The following ANKRD30BL variants were observed in gnomAD, a reference collection of about 807,000 sequenced individuals.
The protein encoded by ANKRD30BL is ankyrin repeat domain 30B like, also known as putative ankyrin repeat domain-containing protein 30B-like.
A neutral mutation model predicts 18.4 loss-of-function variants in ANKRD30BL; 20 were observed. The observed-to-expected ratio is 1.09, with a 90% CI of 0.77 to 1.58. The LOEUF is 1.58. Ranked by LOEUF, ANKRD30BL falls within the 40% of genes most tolerant of loss-of-function variation. The pLI, the probability that ANKRD30BL is intolerant of heterozygous loss-of-function variation, is 0.00. For synonymous variants in ANKRD30BL, 72 were observed against 100.9 expected, an observed-to-expected ratio of 0.71 and a Z score of 1.72; for missense variants, 224 against 268.6, an observed-to-expected ratio of 0.83 and a Z score of 1.16.
intron 1 of ANKRD30BL, among the ~76,000 whole-genome samples, chr2:132,250,253 C>T (rs1454933126): frequency 5.3e-5 from 8 of 151,930 alleles, no homozygotes; most frequent in African/African-American, 9.7e-5. Flanking sequence ...GGGAATGAAA[C>T]GTTTAACTCT....
At chr2:132,208,973 A>G (rs1184683128) in intron 1 of ANKRD30BL, among the ~76,000 whole-genome samples, 1 of 151,998 alleles carries the variant, frequency 6.6e-6, no homozygotes, top group African/African-American at 2.4e-5. Flanking sequence ...GGATATTTGG[A>G]GCGCTTTACA....
chr2:132,246,365 G>A (rs1405052375), intron 1 of ANKRD30BL, among the ~76,000 whole-genome samples: 1 of 151,992 alleles, frequency 6.6e-6, no homozygotes, highest in Non-Finnish European at 1.5e-5. Context: ...AACTCACAGA[G>A]TTGAACTTTT....
intron 1 of ANKRD30BL, among the ~76,000 whole-genome samples, chr2:132,183,919 G>A (rs2104949890): frequency 6.6e-6 from 1 of 152,184 alleles, no homozygotes; most frequent in Non-Finnish European, 1.5e-5. Context: ...CTCCTCATTA[G>A]AGGGAACTGA....
At chr2:132,245,715 C>G (rs368849588) in intron 1 of ANKRD30BL, among the ~76,000 whole-genome samples, 1 of 12,088 alleles carries the variant, frequency 8.3e-5, no homozygotes, top group Admixed American at 5.2e-4. Flanking sequence ...AGTTTTGAAA[C>G]ACTCTTTTTT....
intron 1 of ANKRD30BL, among the ~76,000 whole-genome samples, chr2:132,239,929 T>G (rs1260764607): frequency 6.6e-6 from 1 of 151,516 alleles, no homozygotes; most frequent in African/African-American, 2.4e-5. Flanking sequence ...TTGTAGAATC[T>G]GCAAGTGGAC....
chr2:132,181,687 A>G (rs1158507943), intron 1 of ANKRD30BL, among the ~76,000 whole-genome samples: 1 of 152,218 alleles, frequency 6.6e-6, no homozygotes, highest in Non-Finnish European at 1.5e-5. Context: ...ATGGTGTGTA[A>G]ATGAATATGT....
intron 1 of ANKRD30BL, among the ~76,000 whole-genome samples, chr2:132,222,040 AGGCG>A (rs1679703753): frequency 5.6e-5 from 1 of 18,018 alleles, no homozygotes; most frequent in African/African-American, 2.3e-4. Flanking sequence ...TCCGGGAGGG[AGGCG>A]GGGGGGGGGG....
intron 1 of ANKRD30BL, among the ~76,000 whole-genome samples, chr2:132,204,085 T>C (rs1679162569): frequency 6.6e-6 from 1 of 152,356 alleles, no homozygotes; most frequent in African/African-American, 2.4e-5. Context: ...AGAGAAGATA[T>C]AAAGATCTCA....
intron 1 of ANKRD30BL, among the ~76,000 whole-genome samples, chr2:132,210,793 G>A (rs138510471): frequency 5.2e-5 from 6 of 114,710 alleles, no homozygotes; most frequent in Non-Finnish European, 9.4e-5. Context: ...ACATTTCTTT[G>A]GATTCAGCAG....
intron 1 of ANKRD30BL, among the ~76,000 whole-genome samples, chr2:132,217,497 C>G (rs78975131): frequency 6.6e-5 from 10 of 152,068 alleles, no homozygotes; most frequent in Non-Finnish European, 1.3e-4. Context: ...ATTCAACTCA[C>G]AGAGTTGAAG....
chr2:132,166,889 T>C (rs1688196583), upstream of ANKRD30BL, among the ~76,000 whole-genome samples: 1 of 152,030 alleles, frequency 6.6e-6, no homozygotes, highest in South Asian at 2.1e-4. Context: ...GCTTAGGTTA[T>C]TGATTTTATC....
At chr2:132,238,210 G>A (rs1023124691) in intron 1 of ANKRD30BL, among the ~76,000 whole-genome samples, 2 of 151,130 alleles carry the variant, frequency 1.3e-5, no homozygotes, top group East Asian at 3.9e-4. Flanking sequence ...TAAACCTATC[G>A]TTTGATACAG....
chr2:132,223,456 A>G (rs1022133713), intron 1 of ANKRD30BL, among the ~76,000 whole-genome samples: 1 of 151,956 alleles, frequency 6.6e-6, no homozygotes, highest in African/African-American at 2.4e-5. Context: ...ATATCTTCCC[A>G]TAGAAACTAG....
intron 1 of ANKRD30BL, among the ~76,000 whole-genome samples, chr2:132,218,963 CG>C (rs1558939628): frequency 2.3e-4 from 35 of 150,344 alleles, no homozygotes; most frequent in Non-Finnish European, 1.0e-4. Context: ...TCGTTGGAAA[CG>C]GGAATATCTT....
intron 1 of ANKRD30BL, among the ~76,000 whole-genome samples, chr2:132,225,810 C>T (rs13388767): frequency 0.023 from 3,528 of 151,892 alleles, 125 homozygotes; most frequent in African/African-American, 0.081. Context: ...TGCTTTGAGG[C>T]GTACGGTGGA....
rs1220956077 is a variant in ANKRD30BL at position 132,235,692 on chromosome 2, T to C, written n.441+21837A>G. On this transcript the variant is annotated intron_variant and non_coding_transcript_variant, in intron 1 of 4. Transcript: ENST00000470729. Reference sequence around the variant, plus strand: ...CACTGCCCAAGGAAATAAAAGAGGATACAAACGAATGGAAGAACATTCCAT... The same window carrying C: ...CACTGCCCAAGGAAATAAAAGAGGACACAAACGAATGGAAGAACATTCCAT... 3.3e-5 allele frequency among the ~76,000 whole-genome samples: 5 copies of C among 152,002 alleles called. No individual in the cohort carries two copies. In the East Asian group the frequency reaches 7.7e-4, roughly 23 times the overall value.
intron 1 of ANKRD30BL, among the ~76,000 whole-genome samples, chr2:132,178,098 G>A (rs553990993): frequency 1.3e-5 from 2 of 152,096 alleles, no homozygotes; most frequent in African/African-American, 4.8e-5. Flanking sequence ...ACAGTTAATC[G>A]GTGAATTCAC....
intron 1 of ANKRD30BL, among the ~76,000 whole-genome samples, chr2:132,190,276 A>T (rs1049455597): frequency 9.9e-5 from 15 of 152,100 alleles, no homozygotes; most frequent in Non-Finnish European, 1.6e-4. Context: ...GTCATCAAGG[A>T]TGACAAGGTT....
intron 3 of ANKRD30BL, chr2:132,156,729 T>A (rs1223493164): frequency 4.8e-6 from 1 of 207,644 alleles, no homozygotes; most frequent in African/African-American, 2.3e-5. Context: ...TGGGAAAGAA[T>A]ATTTGAAAAT....
Sources: gnomAD v4.1 joint callset for allele counts (sites outside exome capture counted in the v4.1 genomes callset) on GRCh38, gnomAD v4.1.1 for gene constraint, MANE v1.5 for transcripts, NCBI Gene and HGNC (gene_info 2026-07-23, HGNC 2026-07-21) for gene names.